Variants in IL1RAPL2 observed in about 807,000 individuals in gnomAD.
IL1RAPL2 encodes the protein X-linked interleukin-1 receptor accessory protein-like 2.
Under a neutral mutation model 44.1 loss-of-function variants are expected in IL1RAPL2, and 3 were observed. The ratio of observed to expected loss-of-function variants is 0.07; its 90% CI spans 0.03 to 0.18. IL1RAPL2 has a LOEUF of 0.18. Ranked by LOEUF, IL1RAPL2 falls within the 10% of genes least tolerant of loss-of-function variation. The pLI is 1.00. For missense variants in IL1RAPL2, 391 were observed against 496.4 expected (o/e 0.79, Z 2.02); for synonymous variants, 181 against 178.8 (o/e 1.01, Z -0.10).
chrX:104,758,830 C>T (rs1219598249), intron 2 of IL1RAPL2, among the ~76,000 whole-genome samples: 1 of 111,858 alleles, frequency 8.9e-6, no homozygotes, highest in African/African-American at 3.2e-5. Flanking sequence ...CCTAAGAATG[C>T]CGTGACCCAA....
chrX:105,585,608 TGTG>T (rs2037121717), intron 6 of IL1RAPL2, among the ~76,000 whole-genome samples: 1 of 111,402 alleles, frequency 9.0e-6, no homozygotes, highest in Non-Finnish European at 1.9e-5. Context: ...AAGTGAGAAA[TGTG>T]GTGTTTGGCG....
intron 6 of IL1RAPL2, among the ~76,000 whole-genome samples, chrX:105,510,629 G>T (rs937978373): frequency 1.8e-5 from 2 of 111,329 alleles, no homozygotes; most frequent in African/African-American, 3.3e-5. Flanking sequence ...GAGTGGGCAT[G>T]GATTATAAGG....
At chrX:105,604,520 CA>C (rs199539147) in intron 6 of IL1RAPL2, among the ~76,000 whole-genome samples, 39 of 100,780 alleles carry the variant, frequency 3.9e-4, no homozygotes, top group African/African-American at 9.3e-4. Flanking sequence ...AGAAGTATGC[CA>C]AAAAAAAAAG....
chrX:105,593,360 ATTGGATTTTGACTT>A (rs1018883002), intron 6 of IL1RAPL2, among the ~76,000 whole-genome samples: 2 of 111,439 alleles, frequency 1.8e-5, no homozygotes, highest in African/African-American at 3.3e-5. Flanking sequence ...GATTGCTTGA[ATTGGATTTTGACTT>A]TCTCCAGAAT....
rs116409206 is a variant in IL1RAPL2, at chrX:105,587,413, A to G, written c.772+103026A>G. ...CAATGAAACAAATTTGCTTTCTTTG[A>G]GCCTTTTATTTGTTTTTTCTGTTTA... On this transcript the variant is annotated intron_variant, in intron 6 of 10. Transcript: ENST00000372582. Among the ~76,000 whole-genome samples the G allele has an allele frequency of 3.3e-3, 363 of 109,853 alleles. 2 individuals are homozygous for G. The highest frequency in any genetic ancestry group is 0.011 in the African/African-American group (346 of 30,357).
chrX:105,083,945 A>T (rs1471109078), intron 2 of IL1RAPL2, among the ~76,000 whole-genome samples: 1 of 112,143 alleles, frequency 8.9e-6, no homozygotes, highest in Non-Finnish European at 1.9e-5. Context: ...TAAAGACAGG[A>T]TCGAATTAAC....
chrX:105,601,586 G>T lies in IL1RAPL2; in HGVS notation c.773-115781G>T, dbSNP rs151267182. On this transcript the variant is annotated intron_variant, in intron 6 of 10. Coordinates refer to ENST00000372582, the MANE Select transcript of IL1RAPL2 (RefSeq NM_017416.2). ...TGGATGCCTGCAATCCTAGCTAAAG[G>T]GGAACTCCACAATCCTCCAAGCTGT... 1.5e-3 allele frequency among the ~76,000 whole-genome samples: 165 copies of T among 111,246 alleles called. 1 individual carries two copies. The highest frequency in any genetic ancestry group is 5.1e-3 in the African/African-American group (157 of 30,580).
rs140660711 is a variant in IL1RAPL2 at position 104,991,136 on chromosome X, G to C, written c.83-204339G>C. Among the ~76,000 whole-genome samples, 5 of 111,371 alleles carry C rather than the reference G, an allele frequency of 4.5e-5. No homozygotes were observed. In the East Asian group the frequency reaches 1.4e-3, roughly 32 times the overall value. The stretch of plus-strand genomic sequence containing the variant: ...CTTACTACTCATATACCTCCTTACT[G>C]TCTCTCCCTAAGACTTTGAACATTT... On this transcript the variant is annotated intron_variant, in intron 2 of 10. Coordinates refer to ENST00000372582, the MANE Select transcript of IL1RAPL2 (RefSeq NM_017416.2).
chrX:104,611,846 A>T (rs1418118532), intron 1 of IL1RAPL2, among the ~76,000 whole-genome samples: 1 of 106,795 alleles, frequency 9.4e-6, no homozygotes, highest in Non-Finnish European at 1.9e-5. Flanking sequence ...CAAAAAAAAA[A>T]AAAAAAAAAA....
chrX:105,624,478 C>T (rs943310838), intron 6 of IL1RAPL2, among the ~76,000 whole-genome samples: 1 of 111,592 alleles, frequency 9.0e-6, no homozygotes, highest in Non-Finnish European at 1.9e-5. Context: ...ACATCTACAA[C>T]TCCCACCTCA....
intron 2 of IL1RAPL2, among the ~76,000 whole-genome samples, chrX:105,071,920 A>C (rs1663165933): frequency 8.9e-6 from 1 of 112,215 alleles, no homozygotes; most frequent in Admixed American, 9.5e-5. Context: ...ATACTGGAAG[A>C]AAACACAGGG....
intron 5 of IL1RAPL2, among the ~76,000 whole-genome samples, chrX:105,465,531 C>T (rs2036122075): frequency 9.0e-6 from 1 of 111,646 alleles, no homozygotes; most frequent in Non-Finnish European, 1.9e-5. Flanking sequence ...ACCTTAAAGG[C>T]ATTGAAATAA....
At chrX:105,622,832 G>T (rs1472664966) in intron 6 of IL1RAPL2, among the ~76,000 whole-genome samples, 1 of 110,909 alleles carries the variant, frequency 9.0e-6, no homozygotes, top group African/African-American at 3.3e-5. Context: ...AGACATTTTT[G>T]AATACATCTA....
At chrX:105,389,946 C>T (rs1416721471) in intron 5 of IL1RAPL2, among the ~76,000 whole-genome samples, 2 of 110,808 alleles carry the variant, frequency 1.8e-5, no homozygotes, top group Non-Finnish European at 3.8e-5. Flanking sequence ...CACTCACACC[C>T]CAGCCTAAGA....
intron 2 of IL1RAPL2, among the ~76,000 whole-genome samples, chrX:104,954,550 T>C (rs1375236491): frequency 8.9e-6 from 1 of 111,957 alleles, no homozygotes; most frequent in East Asian, 2.8e-4. Flanking sequence ...TTTTTTCTTT[T>C]TTCTTTTTGG....
At chrX:104,810,567 A>T (rs968640003) in intron 2 of IL1RAPL2, among the ~76,000 whole-genome samples, 1 of 111,247 alleles carries the variant, frequency 9.0e-6, no homozygotes, top group Non-Finnish European at 1.9e-5. Context: ...TAGCTCTGTC[A>T]GCTTGAACAT....
At chrX:105,506,773 C>T (rs766455914) in intron 6 of IL1RAPL2, among the ~76,000 whole-genome samples, 72 of 111,975 alleles carry the variant, frequency 6.4e-4, no homozygotes, top group African/African-American at 2.3e-3. Context: ...ATATTTCAAA[C>T]TGAGGAGCTC....
intron 1 of IL1RAPL2, among the ~76,000 whole-genome samples, chrX:104,643,629 A>T (rs1038295278): frequency 1.8e-5 from 2 of 111,092 alleles, no homozygotes; most frequent in African/African-American, 6.5e-5. Flanking sequence ...TGGTTTCCTG[A>T]TTTGTGCTGA....
At chrX:105,738,294 A>C (rs2038466793) in intron 7 of IL1RAPL2, among the ~76,000 whole-genome samples, 1 of 111,994 alleles carries the variant, frequency 8.9e-6, no homozygotes, top group Admixed American at 9.5e-5. Context: ...ACAAAGTTAA[A>C]GTGCGTATGG....
Sources: gnomAD v4.1 joint callset for allele counts (sites outside exome capture counted in the v4.1 genomes callset) on GRCh38, gnomAD v4.1.1 for gene constraint, MANE v1.5 for transcripts, NCBI Gene and HGNC (gene_info 2026-07-23, HGNC 2026-07-21) for gene names.